GLYCTK: variants seen among roughly 807,000 people sequenced by gnomAD.
GLYCTK encodes the protein HBeAg binding protein 4.
Under a neutral mutation model 24.8 loss-of-function variants are expected in GLYCTK, and 22 were observed. That is an observed-to-expected ratio of 0.89 (90% CI 0.63 to 1.27). The LOEUF is 1.27. Among genes scored for constraint, GLYCTK ranks in the 50% most tolerant of loss-of-function variants. GLYCTK has a pLI of 0.00. For synonymous variants in GLYCTK, 320 were observed against 297.2 expected (o/e 1.08, Z -0.79); for missense variants, 684 against 686.7 (o/e 1.00, Z 0.04).
chr3:52,292,839 C>CGT lies in GLYCTK; in HGVS notation c.1288_1289dup (p.Gly431LeufsTer5). ...TGGCCGGAACCAGGAACTGGCCCTG[C>CGT]GTGTTGGAGCAGAGTTGAGAAGGTG... is the stretch of plus-strand genomic sequence containing the variant. On this transcript the variant is annotated frameshift_variant, in exon 5 of 5. Transcript: ENST00000436784. LOFTEE classifies it high-confidence loss of function. The CGT allele has an allele frequency of 6.2e-7, 1 of 1,613,634 alleles. No homozygotes were observed. The highest frequency in any genetic ancestry group is 8.5e-7 in the Non-Finnish European group (1 of 1,179,884).
chr3:52,290,868 C>T (rs1423315601), intron 2 of GLYCTK, 92 bp from the exon 3 acceptor site: 9 of 1,593,912 alleles, frequency 5.6e-6, no homozygotes, highest in African/African-American at 2.7e-5. Context: ...TGGGCATCTT[C>T]GTTCATGCCC....
rs1244515877 is a variant in GLYCTK, at chr3:52,294,985, G to A, written c.*1859G>A. The stretch of plus-strand genomic sequence containing the variant: ...CATCCCTGCTGAGGGCTTTGGGTAT[G>A]GATAGGATCTTGCAGGAGGTTCCCC... On this transcript the variant is annotated 3_prime_UTR_variant, in exon 5 of 5. Transcript: ENST00000436784. The A allele has an allele frequency of 1.3e-5, 6 of 453,982 alleles. No homozygotes were observed. The highest frequency in any genetic ancestry group is 9.4e-5 in the Admixed American group (4 of 42,564). 28.1% of individuals were successfully genotyped at this position (453,982 alleles called of 1,614,324 possible).
chr3:52,290,067 G>A (rs1156828933), intron 1 of GLYCTK: 7 of 531,930 alleles, frequency 1.3e-5, no homozygotes, highest in Non-Finnish European at 1.7e-5. Flanking sequence ...AGAGTATCCA[G>A]AGGGCCGGCA....
intron 2 of GLYCTK, 120 bp from the exon 3 acceptor site, chr3:52,290,840 C>A: frequency 6.3e-7 from 1 of 1,577,868 alleles, no homozygotes; most frequent in South Asian, 1.1e-5. Context: ...TCTGGCCTGG[C>A]CCCAGGATGC....
intron 1 of GLYCTK, chr3:52,289,038 C>T (rs1251889100): frequency 6.6e-6 from 1 of 152,150 alleles, no homozygotes; most frequent in Non-Finnish European, 1.5e-5. Flanking sequence ...ATCAGAGAGC[C>T]TGAGGTTGTT....
Position 52,294,965 on chromosome 3 carries a change from CT to C in GLYCTK, c.*1840del, listed in dbSNP as rs1291257317. On this transcript the variant is annotated 3_prime_UTR_variant, in exon 5 of 5. Coordinates refer to ENST00000436784, the MANE Select transcript of GLYCTK (RefSeq NM_145262.4). ...ACAGGGCACATGACTCCCTGCATCC[CT>C]GCTGAGGGCTTTGGGTATGGATAGG... 1.3e-5 allele frequency: 6 copies of C among 453,968 alleles called. No individual in the cohort carries two copies. Among genetic ancestry groups the C allele is most frequent in the African/African-American group, 1.0e-4 (5 of 49,978 alleles). 28.1% of individuals were successfully genotyped at this position (453,968 alleles called of 1,614,324 possible).
At chr3:52,290,212 G>T (rs1027744013) in intron 1 of GLYCTK, 92 bp from the exon 2 acceptor site, 76 of 1,005,432 alleles carry the variant, frequency 7.6e-5, no homozygotes, top group Non-Finnish European at 1.0e-4. Context: ...GCAGCTGTGG[G>T]GTCCACTGGC....
chr3:52,294,404 T>C lies in GLYCTK; in HGVS notation c.*1278T>C, dbSNP rs1198438960. ...GGCCAGGGCTGGCAGGACTTTCCCC[T>C]GGGAAGGGTTTCCCTTCCCCACCTG... On this transcript the variant is annotated 3_prime_UTR_variant, in exon 5 of 5. Transcript: ENST00000436784. The C allele has an allele frequency of 2.0e-6, 1 of 510,578 alleles. No individual in the cohort carries two copies. Among genetic ancestry groups the C allele is most frequent in the Middle Eastern group, 4.2e-4 (1 of 2,398 alleles). 31.6% of individuals were successfully genotyped at this position (510,578 alleles called of 1,614,324 possible). A position where few individuals can be genotyped will look rare whatever the true frequency, so the allele number is the denominator to read the frequency against.
At chr3:52,289,733 G>A (rs1382480744) in intron 1 of GLYCTK, among the ~76,000 whole-genome samples, 1 of 152,186 alleles carries the variant, frequency 6.6e-6, no homozygotes, top group South Asian at 2.1e-4. Context: ...TGATAAACCT[G>A]CAGCCTCCTA....
chr3:52,289,099 G>A (rs1382534481), intron 1 of GLYCTK: 1 of 152,158 alleles, frequency 6.6e-6, no homozygotes, highest in Non-Finnish European at 1.5e-5. Context: ...TTGCGGATGA[G>A]GCCCAGTGAG....
chr3:52,292,447 C>G lies in GLYCTK; in HGVS notation c.893C>G (p.Pro298Arg), dbSNP rs779167613. 1 of 1,613,114 alleles carries G rather than the reference C, an allele frequency of 6.2e-7. No homozygotes were observed. The highest frequency in any genetic ancestry group is 1.1e-5 in the South Asian group (1 of 91,070). ...CGGGCCGACTCTGACCCCCATGGGCCACACACCTGTGGCCATGTCCTGAAT... is the reference window on the plus strand; with the variant it reads ...CGGGCCGACTCTGACCCCCATGGGCGACACACCTGTGGCCATGTCCTGAAT... ...LSRADSDPHGPHTCGHVLNVI... is the reference protein window; with the variant it reads ...LSRADSDPHGRHTCGHVLNVI... The change falls in exon 5 of 5, where the codon CCA becomes CGA. Residue 298 changes from proline (P) to arginine (R), a missense_variant. Physicochemically the swap from Pro to Arg is moderately radical, Grantham distance 103 (BLOSUM62 -2). Transcript: ENST00000436784.
At position 52,292,833 on chromosome 3, in the gene GLYCTK, G is replaced by A. The variant is rs1430190831; in HGVS notation, c.1279G>A (p.Ala427Thr). 1 of 1,613,598 alleles carries A rather than the reference G, an allele frequency of 6.2e-7. No homozygotes were observed. Among genetic ancestry groups the A allele is most frequent in the South Asian group, 1.1e-5 (1 of 91,056 alleles). ...CAGGGGTGGCCGGAACCAGGAACTG[G>A]CCCTGCGTGTTGGAGCAGAGTTGAG... Reference protein sequence around the residue: ...SGRGGRNQELALRVGAELRRW... With the variant: ...SGRGGRNQELTLRVGAELRRW... Residue 427 changes from alanine to threonine, a missense_variant, in exon 5 of 5, where the codon GCC becomes ACC. Ala to Thr is a moderately conservative substitution (Grantham distance 58, BLOSUM62 0). Transcript: ENST00000436784.
rs1222984112 is a variant in GLYCTK, at chr3:52,293,863, A to C, written c.*737A>C. Reference sequence around the variant, plus strand: ...TTCTGTCTTTGGACAGCCCTTAGCCACATACTGCACTTCTGGTTGAGCTGA... The same window carrying C: ...TTCTGTCTTTGGACAGCCCTTAGCCCCATACTGCACTTCTGGTTGAGCTGA... On this transcript the variant is annotated 3_prime_UTR_variant, in exon 5 of 5. Coordinates refer to ENST00000436784, the MANE Select transcript of GLYCTK (RefSeq NM_145262.4). The C allele has an allele frequency of 4.4e-6, 2 of 454,090 alleles. No homozygotes were observed. The highest frequency in any genetic ancestry group is 1.6e-5 in the South Asian group (1 of 64,478). The allele number at this position is 454,090 out of a possible 1,614,324, so 28.1% of individuals were successfully genotyped here.
At position 52,291,872 on chromosome 3, in the gene GLYCTK, C is replaced by G. The variant is rs2153221016; in HGVS notation, c.655C>G (p.Leu219Val). The G allele has an allele frequency of 6.2e-7, 1 of 1,613,810 alleles. No homozygotes were observed. Among genetic ancestry groups the G allele is most frequent in the East Asian group, 2.2e-5 (1 of 44,872 alleles). ...IQELNTIRKA[L>V]SQLKGGGLAQ... The stretch of plus-strand genomic sequence containing the variant: ...GGAGTTGAACACCATTCGGAAGGCC[C>G]TGTCCCAGCTCAAGGGTGGGGGGCT... The change falls in exon 4 of 5, where the codon CTG becomes GTG. Residue 219 changes from leucine to valine, a missense_variant. Transcript: ENST00000436784.
chr3:52,289,078 C>T (rs1700380017), intron 1 of GLYCTK: 1 of 151,730 alleles, frequency 6.6e-6, no homozygotes, highest in Non-Finnish European at 1.5e-5. Flanking sequence ...AATCTCACCC[C>T]ATGTCTCATT....
At chr3:52,291,616 C>T (rs1700472060) in intron 3 of GLYCTK, 131 bp from the exon 4 acceptor site, 1 of 813,618 alleles carries the variant, frequency 1.2e-6, no homozygotes, top group Admixed American at 2.2e-5. Flanking sequence ...ACACATATTG[C>T]ATATCCACAG....
intron 4 of GLYCTK, 56 bp from the exon 5 acceptor site, chr3:52,292,204 G>A: frequency 6.2e-7 from 1 of 1,608,682 alleles, no homozygotes; most frequent in Non-Finnish European, 8.5e-7. Flanking sequence ...TTGTCCTTAT[G>A]GGCTCTGAGG....
At position 52,290,554 on chromosome 3, in the gene GLYCTK, G is replaced by A. The variant is rs777050331; in HGVS notation, c.212G>A (p.Arg71Gln). The A allele has an allele frequency of 6.2e-6, 10 of 1,613,616 alleles. No individual in the cohort carries two copies. Among genetic ancestry groups the A allele is most frequent in the South Asian group, 2.2e-5 (2 of 91,088 alleles). Reference sequence around the variant, plus strand: ...CCTGGTGGCAGACAGCTGAAGGTGCGGGACCGGAACTTTCAGCTGAGGCAA... The same window carrying A: ...CCTGGTGGCAGACAGCTGAAGGTGCAGGACCGGAACTTTCAGCTGAGGCAA... ...LDPGGRQLKV[R>Q]DRNFQLRQNL... The change falls in exon 2 of 5, where the codon CGG (arginine) becomes CAG (glutamine). Residue 71 changes from arginine to glutamine, a missense_variant. Transcript: ENST00000436784.
Position 52,291,884 on chromosome 3 carries a change from A to G in GLYCTK, c.667A>G (p.Lys223Glu), listed in dbSNP as rs959203443. Residue 223 changes from lysine to glutamate, a missense_variant, in exon 4 of 5, where the codon AAG (lysine) becomes GAG (glutamate). Physicochemically the swap from Lys to Glu is moderately conservative, Grantham distance 56. Coordinates refer to ENST00000436784, the MANE Select transcript of GLYCTK (RefSeq NM_145262.4). ...CATTCGGAAGGCCCTGTCCCAGCTC[A>G]AGGGTGGGGGGCTGGCTCAGGCCGC... ...NTIRKALSQLKGGGLAQAAYP... is the reference protein window; with the variant it reads ...NTIRKALSQLEGGGLAQAAYP... 6.2e-6 allele frequency: 10 copies of G among 1,612,288 alleles called. No individual in the cohort carries two copies. The highest frequency in any genetic ancestry group is 1.7e-5 in the Admixed American group (1 of 59,980).
Sources: allele counts gnomAD v4.1 joint callset (sites outside exome capture counted in the v4.1 genomes callset), GRCh38; gene constraint gnomAD v4.1.1; transcripts MANE v1.5; gene names NCBI Gene and HGNC (gene_info 2026-07-23, HGNC 2026-07-21).